ENTREP2: variants seen among roughly 807,000 people sequenced by gnomAD.
ENTREP2 encodes the protein protein ENTREP2.
chr15:29,503,447 G>A, the ENTREP2 span, among the ~76,000 whole-genome samples: 1 of 152,162 alleles, frequency 6.6e-6, no homozygotes, highest in East Asian at 1.9e-4. Context: ...TGGGGAATTG[G>A]AGGTGACTGC....
At chr15:29,238,911 C>A in the ENTREP2 span, among the ~76,000 whole-genome samples, 1 of 152,172 alleles carries the variant, frequency 6.6e-6, no homozygotes, top group African/African-American at 2.4e-5. Flanking sequence ...GATCCAATCA[C>A]CTCCCACCAG....
the ENTREP2 span, chr15:29,117,943 C>T: frequency 1.3e-4 from 20 of 152,222 alleles, no homozygotes; most frequent in African/African-American, 3.6e-4. Flanking sequence ...CACATCCACG[C>T]ACATGCGACC....
the ENTREP2 span, among the ~76,000 whole-genome samples, chr15:29,190,919 C>A: frequency 8.5e-5 from 13 of 152,158 alleles, no homozygotes; most frequent in Admixed American, 7.9e-4. Context: ...TTCTCCTTTG[C>A]TCCTTCTTTA....
the ENTREP2 span, among the ~76,000 whole-genome samples, chr15:29,595,686 T>C: frequency 6.6e-6 from 1 of 152,184 alleles, no homozygotes; most frequent in Non-Finnish European, 1.5e-5. Flanking sequence ...TCTTTACTTA[T>C]TTACTGGACT....
the ENTREP2 span, among the ~76,000 whole-genome samples, chr15:29,174,650 ACTGCGCTCTAG>A: frequency 6.6e-6 from 1 of 150,896 alleles, no homozygotes. Flanking sequence ...AGATCGCGCC[ACTGCGCTCTAG>A]CCTGGGCGAC....
the ENTREP2 span, among the ~76,000 whole-genome samples, chr15:29,341,912 A>T: frequency 6.6e-6 from 1 of 152,056 alleles, no homozygotes. Context: ...AATTTTTTTA[A>T]TTTTTTCCTA....
At chr15:29,661,188 A>AT in the ENTREP2 span, among the ~76,000 whole-genome samples, 1 of 152,078 alleles carries the variant, frequency 6.6e-6, no homozygotes, top group Non-Finnish European at 1.5e-5. Flanking sequence ...CTCTGAGAAG[A>AT]TTTTTTTGTT....
chr15:29,577,349 T>TGTGAGA, the ENTREP2 span, among the ~76,000 whole-genome samples: 18 of 144,454 alleles, frequency 1.2e-4, no homozygotes, highest in African/African-American at 4.6e-4. Flanking sequence ...TGTGTGTGTG[T>TGTGAGA]GAGAGAGAGA....
At chr15:29,386,746 C>T in the ENTREP2 span, among the ~76,000 whole-genome samples, 2 of 152,142 alleles carry the variant, frequency 1.3e-5, no homozygotes, top group Non-Finnish European at 2.9e-5. Context: ...GAGGAGAAAG[C>T]GAGCTCTCAC....
the ENTREP2 span, among the ~76,000 whole-genome samples, chr15:29,516,513 C>T: frequency 6.6e-6 from 1 of 151,952 alleles, no homozygotes; most frequent in African/African-American, 2.4e-5. Context: ...ACTATAAACA[C>T]ATATAGTAAA....
At chr15:29,404,173 A>G in the ENTREP2 span, among the ~76,000 whole-genome samples, 1 of 151,734 alleles carries the variant, frequency 6.6e-6, no homozygotes, top group East Asian at 1.9e-4. Context: ...AGTGCCGCCC[A>G]CTCCCGCTGA....
chr15:29,495,284 G>A, the ENTREP2 span, among the ~76,000 whole-genome samples: 1 of 152,182 alleles, frequency 6.6e-6, no homozygotes, highest in African/African-American at 2.4e-5. Flanking sequence ...GTATTTCCCT[G>A]ATGATTGATG....
chr15:29,211,845 A>ATTATCTTT, the ENTREP2 span, among the ~76,000 whole-genome samples: 4,452 of 152,166 alleles, frequency 0.029, 220 homozygotes, highest in African/African-American at 0.1. Context: ...GTCATGGTGG[A>ATTATCTTT]TTATCTTTTG....
chr15:29,395,077 AC>A, the ENTREP2 span, among the ~76,000 whole-genome samples: 30 of 83,480 alleles, frequency 3.6e-4, no homozygotes, highest in Non-Finnish European at 2.9e-4. Flanking sequence ...TTTAGTAGAG[AC>A]GGGGTTTCAC....
chr15:29,618,554 CAGAG>C, the ENTREP2 span, among the ~76,000 whole-genome samples: 1 of 152,146 alleles, frequency 6.6e-6, no homozygotes, highest in Admixed American at 6.6e-5. Flanking sequence ...ACTAATAGAA[CAGAG>C]AAACACAGAA....
At chr15:29,569,236 T>A in the ENTREP2 span, among the ~76,000 whole-genome samples, 44 of 152,268 alleles carry the variant, frequency 2.9e-4, no homozygotes, top group African/African-American at 1.0e-3. Context: ...TCTCCAAGGC[T>A]CACCCTTGAT....
the ENTREP2 span, among the ~76,000 whole-genome samples, chr15:29,139,693 C>T: frequency 1.3e-5 from 2 of 152,182 alleles, no homozygotes; most frequent in Admixed American, 6.5e-5. Context: ...TCAAAGGACG[C>T]GGCTGCATCT....
At chr15:29,360,875 C>T in the ENTREP2 span, among the ~76,000 whole-genome samples, 2 of 152,282 alleles carry the variant, frequency 1.3e-5, no homozygotes, top group African/African-American at 2.4e-5. Context: ...CAGGCTGAGC[C>T]GCCTTGGGGC....
At chr15:29,138,855 G>A in the ENTREP2 span, among the ~76,000 whole-genome samples, 3 of 152,132 alleles carry the variant, frequency 2.0e-5, no homozygotes, top group East Asian at 1.9e-4. Flanking sequence ...GCATCTGAAC[G>A]GGTCTTGAAA....
Sources: allele counts gnomAD v4.1 joint callset (sites outside exome capture counted in the v4.1 genomes callset), GRCh38; gene constraint gnomAD v4.1.1; transcripts MANE v1.5; gene names NCBI Gene and HGNC (gene_info 2026-07-23, HGNC 2026-07-21).